Variants in APBB2 observed in about 807,000 individuals in gnomAD.
The protein encoded by APBB2 is amyloid beta precursor protein binding family B member 2.
APBB2 carries 38 observed loss-of-function variants against 82.5 expected under a neutral mutation model. The observed-to-expected ratio is 0.46, with a 90% CI of 0.36 to 0.60. The LOEUF is 0.60. Among genes scored for constraint, APBB2 ranks in the 20% least tolerant of loss-of-function variants. The pLI is 0.00. For missense variants in APBB2, 772 were observed against 972.3 expected, an observed-to-expected ratio of 0.79 and a Z score of 2.74; for synonymous variants, 341 against 368.2, an observed-to-expected ratio of 0.93 and a Z score of 0.85.
chr4:41,203,594 T>C (rs12503156), intron 1 of APBB2, among the ~76,000 whole-genome samples: 32,073 of 152,058 alleles, frequency 0.21, 3,758 homozygotes, highest in East Asian at 0.33. Context: ...TGTTCATACT[T>C]CCTATCTCAT....
intron 7 of APBB2, among the ~76,000 whole-genome samples, chr4:40,943,293 G>C (rs944751947): frequency 1.3e-5 from 2 of 152,202 alleles, no homozygotes; most frequent in African/African-American, 4.8e-5. Context: ...GTGTTCTCTG[G>C]CTATAGGGCA....
chr4:40,893,795 G>A (rs980325199), intron 10 of APBB2, among the ~76,000 whole-genome samples: 11 of 151,798 alleles, frequency 7.2e-5, no homozygotes, highest in African/African-American at 2.4e-4. Flanking sequence ...CCAACATGGC[G>A]AAACCCCGTC....
chr4:41,060,957 G>A (rs1729599241), intron 4 of APBB2, among the ~76,000 whole-genome samples: 1 of 152,154 alleles, frequency 6.6e-6, no homozygotes, highest in Non-Finnish European at 1.5e-5. Flanking sequence ...ATAAAAATAA[G>A]GAGCAGTGAA....
intron 4 of APBB2, among the ~76,000 whole-genome samples, chr4:41,034,595 G>C (rs1257615847): frequency 6.6e-6 from 1 of 152,258 alleles, no homozygotes; most frequent in Admixed American, 6.5e-5. Context: ...AAAGTGCTGG[G>C]ATTACAGGTG....
intron 1 of APBB2, among the ~76,000 whole-genome samples, chr4:41,152,623 C>T (rs1247857200): frequency 1.3e-5 from 2 of 152,150 alleles, no homozygotes; most frequent in East Asian, 1.9e-4. Flanking sequence ...CCACCGCGCC[C>T]GGCCTTCACT....
intron 5 of APBB2, among the ~76,000 whole-genome samples, chr4:41,027,900 A>G (rs953826635): frequency 1.3e-5 from 2 of 152,252 alleles, no homozygotes; most frequent in Non-Finnish European, 2.9e-5. Context: ...TCATCATGCT[A>G]TGTTGAGTGT....
Position 40,878,617 on chromosome 4 carries a change from T to C in APBB2, c.1529+11747A>G, listed in dbSNP as rs1040342765. 3.3e-5 allele frequency among the ~76,000 whole-genome samples: 5 copies of C among 152,318 alleles called. No homozygotes were observed. In the East Asian group the frequency reaches 7.7e-4, roughly 23 times the overall value. ...GGACTTTCAAATGTTTCTTCCTCTT[T>C]GGAGTATTTCTGGTATAAAATTTCT... is the stretch of plus-strand genomic sequence containing the variant. On this transcript the variant is annotated intron_variant, in intron 12 of 17. Coordinates refer to ENST00000508593, the MANE Select transcript of APBB2 (RefSeq NM_004307.2).
At chr4:41,202,054 A>T (rs1776827330) in intron 1 of APBB2, among the ~76,000 whole-genome samples, 1 of 152,218 alleles carries the variant, frequency 6.6e-6, no homozygotes, top group Non-Finnish European at 1.5e-5. Context: ...CAGGAGCTTC[A>T]GTCTAGTGCA....
At chr4:40,857,161 G>C (rs995194273) in intron 12 of APBB2, 2 of 985,346 alleles carry the variant, frequency 2.0e-6, no homozygotes, top group Non-Finnish European at 2.4e-6. Context: ...AAGTTGAAGA[G>C]AGCGGCGCCC....
At chr4:40,998,868 A>G (rs1804356287) in intron 6 of APBB2, among the ~76,000 whole-genome samples, 1 of 152,176 alleles carries the variant, frequency 6.6e-6, no homozygotes, top group Admixed American at 6.6e-5. Context: ...GGTCGGTTTC[A>G]TAGGCAGGAT....
At chr4:40,879,268 CTCCCAAGTGAACAAGACTTTTTCAG>C (rs1285377361) in intron 12 of APBB2, among the ~76,000 whole-genome samples, 26 of 152,046 alleles carry the variant, frequency 1.7e-4, no homozygotes, top group Admixed American at 1.5e-3. Flanking sequence ...GAACTCTTGG[CTCCCAAGTGAACAAGACTTTTTCAG>C]TCCACCCAAA....
intron 12 of APBB2, among the ~76,000 whole-genome samples, chr4:40,856,770 G>T (rs1323596961): frequency 1.3e-5 from 2 of 152,208 alleles, no homozygotes; most frequent in Admixed American, 6.5e-5. Context: ...GTCCAAGGAC[G>T]CCTCCCCCCC....
At chr4:41,164,567 T>C (rs950137256) in intron 1 of APBB2, among the ~76,000 whole-genome samples, 7 of 152,184 alleles carry the variant, frequency 4.6e-5, no homozygotes, top group African/African-American at 1.7e-4. Context: ...ACAAACCCAA[T>C]TAAGTGTTTA....
chr4:41,019,897 AGAGACAGAGAGACAAAGAGAAG>A (rs1811008065), intron 5 of APBB2, among the ~76,000 whole-genome samples: 1 of 151,764 alleles, frequency 6.6e-6, no homozygotes, highest in Non-Finnish European at 1.5e-5. Context: ...AGAGAGAGGA[AGAGACAGAGAGACAAAGAGAAG>A]GAGACAGAGA....
chr4:41,078,128 G>A (rs1205582540), intron 3 of APBB2, among the ~76,000 whole-genome samples: 1 of 152,044 alleles, frequency 6.6e-6, no homozygotes, highest in Non-Finnish European at 1.5e-5. Context: ...TACAAGCGCA[G>A]GTATTTAAGG....
intron 3 of APBB2, among the ~76,000 whole-genome samples, chr4:41,081,133 G>C (rs1737466147): frequency 6.6e-6 from 1 of 152,196 alleles, no homozygotes; most frequent in Non-Finnish European, 1.5e-5. Context: ...AGCTGTCCAA[G>C]TGAGTTACAC....
intron 10 of APBB2, among the ~76,000 whole-genome samples, chr4:40,931,055 A>G (rs193035528): frequency 2.0e-5 from 3 of 151,532 alleles, no homozygotes; most frequent in Non-Finnish European, 4.4e-5. Flanking sequence ...CCCAAATATT[A>G]TTTTTAAAGT....
intron 1 of APBB2, among the ~76,000 whole-genome samples, chr4:41,206,194 T>C (rs1288795061): frequency 1.3e-5 from 2 of 152,076 alleles, no homozygotes; most frequent in Non-Finnish European, 2.9e-5. Context: ...AGGAATAAAA[T>C]TGAGTTAAGG....
chr4:41,188,634 T>C (rs965231973), intron 1 of APBB2, among the ~76,000 whole-genome samples: 1 of 152,218 alleles, frequency 6.6e-6, no homozygotes, highest in Non-Finnish European at 1.5e-5. Flanking sequence ...GAGAAATAAG[T>C]GTCTGTTGTT....
Sources: allele counts gnomAD v4.1 joint callset (sites outside exome capture counted in the v4.1 genomes callset), GRCh38; gene constraint gnomAD v4.1.1; transcripts MANE v1.5; gene names NCBI Gene and HGNC (gene_info 2026-07-23, HGNC 2026-07-21).